Variants in MCM8 observed in about 807,000 individuals in gnomAD.
The protein encoded by MCM8 is minichromosome maintenance 8 homologous recombination repair factor.
MCM8 carries 85 observed loss-of-function variants against 98.9 expected under a neutral mutation model. That is an observed-to-expected ratio of 0.86 (90% CI 0.72 to 1.03). MCM8 has a LOEUF of 1.03. Ranked by LOEUF, MCM8 falls within the 50% of genes least tolerant of loss-of-function variation. The pLI, the probability that MCM8 is intolerant of heterozygous loss-of-function variation, is 0.00. For missense variants in MCM8, 951 were observed against 997.8 expected, an observed-to-expected ratio of 0.95 and a Z score of 0.63; for synonymous variants, 352 against 338.6, an observed-to-expected ratio of 1.04 and a Z score of -0.44.
rs1364026796 is a variant in MCM8, at chr20:5,977,990, G to T, written c.1510G>T (p.Ala504Ser). 6.2e-7 allele frequency: 1 copy of T among 1,614,246 alleles called. No homozygotes were observed. Among genetic ancestry groups the T allele is most frequent in the East Asian group, 2.2e-5 (1 of 44,882 alleles). Residue 504 changes from alanine to serine, a missense_variant, in exon 13 of 19, where the codon GCT becomes TCT. Physicochemically the swap from Ala to Ser is moderately conservative, Grantham distance 99. Coordinates refer to ENST00000610722, the MANE Select transcript of MCM8 (RefSeq NM_032485.6). Reference protein sequence around the residue: ...DSSSGDFALEAGALVLGDQGI... With the variant: ...DSSSGDFALESGALVLGDQGI... Reference sequence around the variant, plus strand: ...TTCCTCTGGAGATTTTGCTTTGGAAGCTGGTGCCCTGGTACTTGGTGATCA... The same window carrying T: ...TTCCTCTGGAGATTTTGCTTTGGAATCTGGTGCCCTGGTACTTGGTGATCA...
At chr20:5,985,871 T>C (rs2089720909) in intron 15 of MCM8, 51 bp from the exon 16 acceptor site, 17 of 1,580,782 alleles carry the variant, frequency 1.1e-5, no homozygotes, top group Non-Finnish European at 1.5e-5. Context: ...AGCAGAAATA[T>C]TTTATTTGCT....
intron 18 of MCM8, chr20:5,994,024 T>C: frequency 2.9e-6 from 1 of 350,114 alleles, no homozygotes; most frequent in South Asian, 7.3e-5. Context: ...TTATGGAAAA[T>C]TAACTTCTTA....
chr20:5,993,011 T>C (rs2089884267), intron 17 of MCM8, among the ~76,000 whole-genome samples: 1 of 152,204 alleles, frequency 6.6e-6, no homozygotes, highest in African/African-American at 2.4e-5. Context: ...AGAAGAAATC[T>C]GGCAGTAATA....
chr20:5,952,121 C>T lies in MCM8; in HGVS notation c.106C>T (p.His36Tyr). 1 of 1,613,966 alleles carries T rather than the reference C, an allele frequency of 6.2e-7. No individual in the cohort carries two copies. Among genetic ancestry groups the T allele is most frequent in the South Asian group, 1.1e-5 (1 of 91,080 alleles). Residue 36 changes from histidine (H) to tyrosine (Y), a missense_variant, in exon 2 of 19, where the codon CAC (histidine) becomes TAC (tyrosine). By Grantham distance (83) the His-to-Tyr change is moderately conservative. Coordinates refer to ENST00000610722, the MANE Select transcript of MCM8 (RefSeq NM_032485.6). ...NFSGKWREREHRPDLSKTTGK... is the reference protein window; with the variant it reads ...NFSGKWREREYRPDLSKTTGK... The stretch of plus-strand genomic sequence containing the variant: ...CTCAGGAAAATGGAGAGAAAGAGAA[C>T]ACAGACCTGATCTGAGTAAAACCAC...
In MCM8 at chr20:5,993,666, C is replaced by A; in HGVS notation, c.2401C>A (p.Arg801=). 6.2e-7 allele frequency: 1 copy of A among 1,605,150 alleles called. No homozygotes were observed. The highest frequency in any genetic ancestry group is 8.5e-7 in the Non-Finnish European group (1 of 1,174,488). ...YNNIFQFHQL[R]QIAKELNIQV... is the part of the protein sequence containing the mutation. ...TAATATATTTCAATTTCATCAACTT[C>A]GGCAGATTGCCAAAGAACTAAACAT... The change falls in exon 18 of 19, where the codon CGG becomes AGG. Residue 801 remains arginine, a synonymous_variant. Transcript: ENST00000610722.
chr20:5,952,324 A>G (rs2088852681), intron 2 of MCM8, 100 bp from the exon 3 acceptor site: 1 of 1,554,626 alleles, frequency 6.4e-7, no homozygotes, highest in African/African-American at 1.4e-5. Context: ...TAAAACCCCT[A>G]ATTTGGATAC....
In MCM8 at chr20:5,982,217, G is replaced by A. The variant is rs1252767409; in HGVS notation, c.1538-753G>A. Among the ~76,000 whole-genome samples the A allele has an allele frequency of 2.0e-5, 3 of 152,096 alleles. No individual in the cohort carries two copies. The South Asian group carries it at 6.2e-4, about 32-fold the overall frequency. On this transcript the variant is annotated intron_variant, in intron 13 of 18. Coordinates refer to ENST00000610722, the MANE Select transcript of MCM8 (RefSeq NM_032485.6). The stretch of plus-strand genomic sequence containing the variant: ...CTTCCCTGCTCCCCATACCAGTTAG[G>A]TTAGCAGCTGGGGATCAAAAAGACT...
rs936131697 is a variant in MCM8, at chr20:5,967,837, AAAT to A, written c.1038_1040del (p.Asn346del). On this transcript the variant is annotated inframe_deletion, in exon 10 of 19. Coordinates refer to ENST00000610722, the MANE Select transcript of MCM8 (RefSeq NM_032485.6). ...AACACTTTTAATTTACAGGTTCTCG[AAAT>A]AAGAATGACAAGTGTATGTTCCTTT... 1.2e-6 allele frequency: 2 copies of A among 1,603,130 alleles called. No individual in the cohort carries two copies. Among genetic ancestry groups the A allele is most frequent in the African/African-American group, 2.7e-5 (2 of 74,420 alleles).
rs71334371 is a variant in MCM8, at chr20:5,997,185, C to CTTT, written c.*2808_*2810dup. 1.5e-5 allele frequency: 2 copies of CTTT among 134,916 alleles called. No individual in the cohort carries two copies. Among genetic ancestry groups the CTTT allele is most frequent in the African/African-American group, 2.9e-5 (1 of 35,036 alleles). 8.4% of individuals were successfully genotyped at this position (134,916 alleles called of 1,614,324 possible). A position where few individuals can be genotyped will look rare whatever the true frequency, so the allele number is the denominator to read the frequency against. ...GAAAGTTTCTTTTTTTTTCTTTTTT[C>CTTT]TTTTTTTTTTTTTTTTGAGACAGAG... On this transcript the variant is annotated 3_prime_UTR_variant, in exon 19 of 19. Coordinates refer to ENST00000610722, the MANE Select transcript of MCM8 (RefSeq NM_032485.6).
At chr20:5,987,098 T>A (rs180477) in intron 16 of MCM8, among the ~76,000 whole-genome samples, 184 bp from the exon 17 acceptor site, 57,038 of 152,148 alleles carry the variant, frequency 0.37, 15,307 homozygotes, top group African/African-American at 0.76. Context: ...AAGTGCTGGG[T>A]TTATAGGCGT....
intron 10 of MCM8, among the ~76,000 whole-genome samples, chr20:5,970,706 G>A (rs1194086861): frequency 6.6e-6 from 1 of 152,100 alleles, no homozygotes; most frequent in Non-Finnish European, 1.5e-5. Flanking sequence ...ATATTAAAAG[G>A]GAATAAAGAC....
chr20:5,994,999 T>A lies in MCM8; in HGVS notation c.*608T>A, dbSNP rs1459359887. On this transcript the variant is annotated 3_prime_UTR_variant, in exon 19 of 19. Coordinates refer to ENST00000610722, the MANE Select transcript of MCM8 (RefSeq NM_032485.6). ...GCTAAAAGTAAATTACTTATAAATT[T>A]TTTATAGTTGTATTTTTGACCTGCC... 1.1e-5 allele frequency: 2 copies of A among 174,684 alleles called. No homozygotes were observed. Among genetic ancestry groups the A allele is most frequent in the African/African-American group, 4.8e-5 (2 of 41,860 alleles). The allele number at this position is 174,684 out of a possible 1,614,324, so 10.8% of individuals were successfully genotyped here.
chr20:5,986,734 T>TGATC (rs2089742226), intron 16 of MCM8, among the ~76,000 whole-genome samples: 2 of 152,232 alleles, frequency 1.3e-5, no homozygotes, highest in African/African-American at 4.8e-5. Context: ...TCTCCTGAAA[T>TGATC]GATCACTCAG....
chr20:5,951,817 C>T (rs2088833194), intron 1 of MCM8, among the ~76,000 whole-genome samples, 194 bp from the exon 2 acceptor site: 1 of 152,016 alleles, frequency 6.6e-6, no homozygotes, highest in Admixed American at 6.5e-5. Flanking sequence ...TATGGTATAC[C>T]TTAAAAAGCG....
Position 5,952,039 on chromosome 20 carries a change from A to C in MCM8, c.24A>C (p.Arg8Ser), listed in dbSNP as rs745476776. 1 of 1,614,044 alleles carries C rather than the reference A, an allele frequency of 6.2e-7. No homozygotes were observed. The highest frequency in any genetic ancestry group is 1.7e-5 in the Admixed American group (1 of 60,018). MNGEYRG[R>S]GFGRGRFQSW... The stretch of plus-strand genomic sequence containing the variant: ...AGATGAATGGAGAGTATAGAGGCAG[A>C]GGATTTGGACGAGGAAGATTTCAAA... Residue 8 changes from arginine (R) to serine (S), a missense_variant, in exon 2 of 19, where the codon AGA becomes AGC. Arg to Ser is a moderately radical substitution (Grantham distance 110). Coordinates refer to ENST00000610722, the MANE Select transcript of MCM8 (RefSeq NM_032485.6).
intron 13 of MCM8, among the ~76,000 whole-genome samples, chr20:5,981,303 G>T (rs377141559): frequency 6.6e-6 from 1 of 152,184 alleles, no homozygotes; most frequent in South Asian, 2.1e-4. Context: ...TGGAGATAAA[G>T]CCTGTGAGTC....
At chr20:5,967,781 A>T (rs2089307902) in intron 9 of MCM8, 49 bp from the exon 10 acceptor site, 1 of 1,472,076 alleles carries the variant, frequency 6.8e-7, no homozygotes, top group Admixed American at 2.0e-5. Flanking sequence ...GAGTCATTGT[A>T]GGGAAAATGA....
intron 15 of MCM8, 29 bp from the exon 16 acceptor site, chr20:5,985,893 T>C: frequency 6.2e-7 from 1 of 1,605,466 alleles, no homozygotes; most frequent in Non-Finnish European, 8.5e-7. Flanking sequence ...CTTATCCTTG[T>C]TATCTTGGGC....
At chr20:5,959,220 ATCTAC>A (rs1464172472) in intron 7 of MCM8, among the ~76,000 whole-genome samples, 2 of 152,210 alleles carry the variant, frequency 1.3e-5, no homozygotes, top group Non-Finnish European at 2.9e-5. Flanking sequence ...ATTAACATTT[ATCTAC>A]TCTATGATTT....
Sources: allele counts gnomAD v4.1 joint callset (sites outside exome capture counted in the v4.1 genomes callset), GRCh38; gene constraint gnomAD v4.1.1; transcripts MANE v1.5; gene names NCBI Gene and HGNC (gene_info 2026-07-23, HGNC 2026-07-21).